Variants in NRXN1 observed in about 807,000 individuals in gnomAD.
NRXN1 encodes neurexin 1.
NRXN1 carries 39 observed loss-of-function variants against 150.9 expected under a neutral mutation model. The observed-to-expected ratio is 0.26, with a 90% CI of 0.20 to 0.34. The LOEUF is 0.34. NRXN1 is among the 10% of genes least tolerant of loss of function. The probability of loss-of-function intolerance (pLI) is 1.00; values close to 1 mark genes in which losing one functional copy is unlikely to be tolerated. For missense variants in NRXN1, 1,815 were observed against 1,949.9 expected, an observed-to-expected ratio of 0.93 and a Z score of 1.30; for synonymous variants, 924 against 757.0, an observed-to-expected ratio of 1.22 and a Z score of -3.62.
At chr2:50,700,094 G>T (rs1350613655) in intron 5 of NRXN1, among the ~76,000 whole-genome samples, 2 of 152,110 alleles carry the variant, frequency 1.3e-5, no homozygotes, top group Non-Finnish European at 2.9e-5. Flanking sequence ...ATATATGTTT[G>T]TCCTTTGATA....
At chr2:50,232,060 T>A (rs923378621) in intron 18 of NRXN1, among the ~76,000 whole-genome samples, 3 of 151,982 alleles carry the variant, frequency 2.0e-5, no homozygotes, top group Non-Finnish European at 2.9e-5. Flanking sequence ...ACTATACAAG[T>A]AAGAAAGTTA....
At chr2:50,628,899 A>G (rs972574470) in intron 5 of NRXN1, among the ~76,000 whole-genome samples, 2 of 151,652 alleles carry the variant, frequency 1.3e-5, no homozygotes, top group Non-Finnish European at 3.0e-5. Context: ...TAAAGTATAA[A>G]AGGCTATCTT....
At chr2:50,139,165 A>C (rs1706865864) in intron 18 of NRXN1, among the ~76,000 whole-genome samples, 1 of 152,040 alleles carries the variant, frequency 6.6e-6, no homozygotes, top group Admixed American at 6.6e-5. Flanking sequence ...ATCTCTACTA[A>C]AAATACAAAA....
chr2:50,256,822 T>A (rs746042535), intron 17 of NRXN1, among the ~76,000 whole-genome samples: 9 of 152,126 alleles, frequency 5.9e-5, no homozygotes, highest in South Asian at 2.1e-4. Context: ...TGCATTCTCC[T>A]GCCCATTTCC....
At chr2:50,386,836 A>T (rs549029291) in intron 17 of NRXN1, among the ~76,000 whole-genome samples, 2 of 152,262 alleles carry the variant, frequency 1.3e-5, no homozygotes, top group East Asian at 3.9e-4. Flanking sequence ...CAGTTCCTTA[A>T]TCTGCTTGTA....
chr2:50,249,278 C>T (rs1209662544), intron 17 of NRXN1, among the ~76,000 whole-genome samples: 1 of 151,788 alleles, frequency 6.6e-6, no homozygotes, highest in East Asian at 1.9e-4. Flanking sequence ...ACAAAAAAAT[C>T]CTATGAGAGA....
chr2:50,822,543 T>C (rs959090428), intron 5 of NRXN1, among the ~76,000 whole-genome samples: 2 of 152,232 alleles, frequency 1.3e-5, no homozygotes, highest in Non-Finnish European at 2.9e-5. Flanking sequence ...ATAGATCCTT[T>C]AATGACCTTA....
chr2:49,932,821 T>G (rs1670369410), intron 22 of NRXN1, among the ~76,000 whole-genome samples: 2 of 152,174 alleles, frequency 1.3e-5, no homozygotes, highest in Non-Finnish European at 1.5e-5. Context: ...TTCATCTAAT[T>G]TATTTCTCAT....
intron 17 of NRXN1, among the ~76,000 whole-genome samples, chr2:50,365,769 T>C (rs1477839575): frequency 6.6e-6 from 1 of 152,076 alleles, no homozygotes; most frequent in Non-Finnish European, 1.5e-5. Flanking sequence ...GAACTCATCC[T>C]ATATAGACAG....
At chr2:50,549,545 C>A (rs1252928199) in intron 9 of NRXN1, among the ~76,000 whole-genome samples, 1 of 152,144 alleles carries the variant, frequency 6.6e-6, no homozygotes, top group Non-Finnish European at 1.5e-5. Context: ...AGAAAAATCT[C>A]ATGCTTCGTT....
chr2:50,391,157 A>C (rs2081663136), intron 17 of NRXN1, among the ~76,000 whole-genome samples: 1 of 152,126 alleles, frequency 6.6e-6, no homozygotes, highest in Non-Finnish European at 1.5e-5. Context: ...GGCAGGGCAG[A>C]TGAAAATGAG....
intron 5 of NRXN1, among the ~76,000 whole-genome samples, chr2:50,683,646 A>AAAAAAAAATATATATATAT: frequency 1.3e-4 from 2 of 14,900 alleles, no homozygotes; most frequent in African/African-American, 7.2e-4. Context: ...AAAAAAAAAA[A>AAAAAAAAATATATATATAT]ATATATATAT....
chr2:50,851,446 A>T (rs1208253142), intron 5 of NRXN1, among the ~76,000 whole-genome samples: 1 of 152,004 alleles, frequency 6.6e-6, no homozygotes, highest in Admixed American at 6.6e-5. Flanking sequence ...CCCTGGAGTA[A>T]GTGGGGGTGT....
At chr2:50,604,498 C>A (rs2103982378) in intron 8 of NRXN1, among the ~76,000 whole-genome samples, 1 of 152,260 alleles carries the variant, frequency 6.6e-6, no homozygotes, top group South Asian at 2.1e-4. Flanking sequence ...CCTCTTTTCC[C>A]CATGCATCTT....
intron 5 of NRXN1, among the ~76,000 whole-genome samples, chr2:50,780,992 A>G (rs1396013000): frequency 6.6e-6 from 1 of 152,222 alleles, no homozygotes; most frequent in Non-Finnish European, 1.5e-5. Flanking sequence ...CTTAAAAGGT[A>G]ACAAGTTAAC....
At chr2:50,751,797 C>T (rs933193805) in intron 5 of NRXN1, among the ~76,000 whole-genome samples, 1 of 151,926 alleles carries the variant, frequency 6.6e-6, no homozygotes, top group African/African-American at 2.4e-5. Flanking sequence ...TAAAGATAAA[C>T]TTGGAATATG....
Position 49,995,780 on chromosome 2 carries a change from CAAA to C in NRXN1, c.4129-51992_4129-51990del, listed in dbSNP as rs1163315598. Among the ~76,000 whole-genome samples, 326 of 36,366 alleles carry C rather than the reference CAAA, an allele frequency of 9.0e-3. 1 individual carries two copies. Among genetic ancestry groups the C allele is most frequent in the African/African-American group, 0.031 (315 of 10,310 alleles). 23.9% of individuals were successfully genotyped at this position (36,366 alleles called of 152,430 possible). On this transcript the variant is annotated intron_variant, in intron 21 of 22. Coordinates refer to ENST00000401669, the MANE Select transcript of NRXN1 (RefSeq NM_001330078.2). ...TGAGCGACAGAGCGAGACTCCGTCT[CAAA>C]AAAAAAAAAAAAAAAAAAAGATAGG...
At chr2:51,015,179 GTCTC>G (rs1168948796) in intron 2 of NRXN1, among the ~76,000 whole-genome samples, 1 of 151,772 alleles carries the variant, frequency 6.6e-6, no homozygotes. Context: ...GTGTCTGTCT[GTCTC>G]TCTCTCTCAA....
intron 18 of NRXN1, among the ~76,000 whole-genome samples, chr2:50,232,677 G>T (rs879739707): frequency 3.3e-5 from 5 of 151,810 alleles, no homozygotes; most frequent in Non-Finnish European, 7.4e-5. Flanking sequence ...GAGCCACTGA[G>T]CCCGGCTATT....
Sources: allele counts gnomAD v4.1 joint callset (sites outside exome capture counted in the v4.1 genomes callset), GRCh38; gene constraint gnomAD v4.1.1; transcripts MANE v1.5; gene names NCBI Gene and HGNC (gene_info 2026-07-23, HGNC 2026-07-21).